The following ICAM1 variants were observed in gnomAD, a reference collection of about 807,000 sequenced individuals.
ICAM1 encodes the protein intercellular adhesion molecule 1.
Under a neutral mutation model 42.3 loss-of-function variants are expected in ICAM1, and 28 were observed. That is an observed-to-expected ratio of 0.66 (90% confidence interval 0.49 to 0.91). The LOEUF (loss-of-function observed/expected upper bound fraction) is 0.91. Among genes scored for constraint, ICAM1 ranks in the 40% least tolerant of loss-of-function variants. The probability of loss-of-function intolerance (pLI) is 0.00; values close to 1 mark genes in which losing one functional copy is unlikely to be tolerated. For synonymous variants in ICAM1, 304 were observed against 305.9 expected, an observed-to-expected ratio of 0.99 and a Z score of 0.07; for missense variants, 637 against 688.6, an observed-to-expected ratio of 0.93 and a Z score of 0.84.
intron 2 of ICAM1, among the ~76,000 whole-genome samples, chr19:10,281,089 G>A (rs1453020884): frequency 4.7e-5 from 7 of 150,386 alleles, no homozygotes; most frequent in South Asian, 2.1e-4. Context: ...TAGCCAGGAT[G>A]GTCTTGATCT....
intron 2 of ICAM1, among the ~76,000 whole-genome samples, chr19:10,280,319 C>T (rs1568293813): frequency 6.6e-6 from 1 of 151,206 alleles, no homozygotes; most frequent in Non-Finnish European, 1.5e-5. Context: ...GTTTTCTTGA[C>T]TATATATATA....
chr19:10,274,982 C>G lies in ICAM1; in HGVS notation c.285C>G (p.Asn95Lys). 1 of 1,614,196 alleles carries G rather than the reference C, an allele frequency of 6.2e-7. No homozygotes were observed. The highest frequency in any genetic ancestry group is 8.5e-7 in the Non-Finnish European group (1 of 1,180,048). ...QEDSQPMCYS[N>K]CPDGQSTAKT... The stretch of plus-strand genomic sequence containing the variant: ...ATAGCCAACCAATGTGCTATTCAAA[C>G]TGCCCTGATGGGCAGTCAACAGCTA... The change falls in exon 2 of 7, where the codon AAC becomes AAG. Residue 95 changes from asparagine to lysine, a missense_variant. Physicochemically the swap from Asn to Lys is moderately conservative, Grantham distance 94. Transcript: ENST00000264832.
rs775798556 is a variant in ICAM1 at position 10,271,193 on chromosome 19, G to T, written c.34G>T (p.Ala12Ser). The T allele has an allele frequency of 5.0e-6, 8 of 1,613,288 alleles. No homozygotes were observed. The Admixed American group carries it at 1.3e-4, about 27-fold the overall frequency. Residue 12 changes from alanine to serine, a missense_variant, in exon 1 of 7, where the codon GCA (alanine) becomes TCA (serine). Coordinates refer to ENST00000264832, the MANE Select transcript of ICAM1 (RefSeq NM_000201.3). ...APSSPRPALPALLVLLGALFP... is the reference protein window; with the variant it reads ...APSSPRPALPSLLVLLGALFP... Reference sequence around the variant, plus strand: ...CAGCAGCCCCCGGCCCGCGCTGCCCGCACTCCTGGTCCTGCTCGGGGCTCT... The same window carrying T: ...CAGCAGCCCCCGGCCCGCGCTGCCCTCACTCCTGGTCCTGCTCGGGGCTCT...
At chr19:10,281,721 CTT>C (rs33958632) in intron 2 of ICAM1, among the ~76,000 whole-genome samples, 33,954 of 106,252 alleles carry the variant, frequency 0.32, 4,921 homozygotes, top group Admixed American at 0.37. Flanking sequence ...GGTCCTGATG[CTT>C]TTTTTTTTTT....
intron 2 of ICAM1, 41 bp from the exon 3 acceptor site, chr19:10,283,440 G>A: frequency 6.6e-7 from 1 of 1,510,962 alleles, no homozygotes; most frequent in Non-Finnish European, 8.8e-7. Context: ...CAGGCAGCAA[G>A]GTCCACTTCA....
chr19:10,285,121 G>A lies in ICAM1; in HGVS notation c.1433G>A (p.Arg478Gln), dbSNP rs780437504. 1.2e-5 allele frequency: 20 copies of A among 1,614,084 alleles called. No individual in the cohort carries two copies. The highest frequency in any genetic ancestry group is 1.1e-4 in the South Asian group (10 of 91,072). Residue 478 changes from arginine (R) to glutamine (Q), a missense_variant, in exon 7 of 7, where the codon CGG becomes CAG. Arg to Gln is a conservative substitution (Grantham distance 43, BLOSUM62 1). Coordinates refer to ENST00000264832, the MANE Select transcript of ICAM1 (RefSeq NM_000201.3). ...TGTTGTATCCTCCCCACAGCCCCCC[G>A]GTATGAGATTGTCATCATCACTGTG... ...RKVTVNVLSP[R>Q]YEIVIITVVA...
rs554091291 is a variant in ICAM1, at chr19:10,274,924, G to A, written c.227G>A (p.Arg76Gln). The change falls in exon 2 of 7, where the codon CGG (arginine) becomes CAG (glutamine). Residue 76 changes from arginine to glutamine, a missense_variant. By Grantham distance (43) the Arg-to-Gln change is conservative. Coordinates refer to ENST00000264832, the MANE Select transcript of ICAM1 (RefSeq NM_000201.3). ...KKELLLPGNN[R>Q]KVYELSNVQE... is the part of the protein sequence containing the mutation. ...GAGTTGCTCCTGCCTGGGAACAACCGGAAGGTGTATGAACTGAGCAATGTG... is the reference window on the plus strand; with the variant it reads ...GAGTTGCTCCTGCCTGGGAACAACCAGAAGGTGTATGAACTGAGCAATGTG... 52 of 1,614,230 alleles carry A rather than the reference G, an allele frequency of 3.2e-5. No homozygotes were observed. Among genetic ancestry groups the A allele is most frequent in the South Asian group, 2.3e-4 (21 of 91,090 alleles).
chr19:10,284,992 G>T lies in ICAM1; in HGVS notation c.1390G>T (p.Gly464Trp). The T allele has an allele frequency of 6.2e-7, 1 of 1,613,324 alleles. No homozygotes were observed. The highest frequency in any genetic ancestry group is 2.2e-5 in the East Asian group (1 of 44,878). ...TYLCRARSTQ[G>W]EVTRKVTVNV... ...CCTCTGTCGGGCCAGGAGCACTCAA[G>T]GGGAGGTCACCCGCAAGGTGACCGT... Residue 464 changes from glycine (G) to tryptophan (W), a missense_variant, in exon 6 of 7, where the codon GGG (glycine) becomes TGG (tryptophan). Physicochemically the swap from Gly to Trp is radical, Grantham distance 184 (BLOSUM62 -2). Coordinates refer to ENST00000264832, the MANE Select transcript of ICAM1 (RefSeq NM_000201.3). This position sits in a 1 kb window ranked among gnomAD's most constrained non-coding sequence, Gnocchi z 5.4.
At chr19:10,278,481 C>G (rs923088959) in intron 2 of ICAM1, among the ~76,000 whole-genome samples, 4 of 150,988 alleles carry the variant, frequency 2.6e-5, no homozygotes. Context: ...CCGAACATTC[C>G]CAGCAGCTTC....
At chr19:10,274,236 GTC>G (rs1401720685) in intron 1 of ICAM1, among the ~76,000 whole-genome samples, 1 of 151,252 alleles carries the variant, frequency 6.6e-6, no homozygotes, top group African/African-American at 2.4e-5. Flanking sequence ...CCAAAGCACT[GTC>G]TATTCTATCA....
chr19:10,272,908 A>T (rs1162249228), intron 1 of ICAM1, among the ~76,000 whole-genome samples: 2 of 152,142 alleles, frequency 1.3e-5, no homozygotes, highest in Non-Finnish European at 2.9e-5. Context: ...TGTATTAGCA[A>T]GGGATGGGGT....
rs775151322 is a variant in ICAM1 at position 10,286,615 on chromosome 19, C to T, written c.*1328C>T. On this transcript the variant is annotated 3_prime_UTR_variant, in exon 7 of 7. Coordinates refer to ENST00000264832, the MANE Select transcript of ICAM1 (RefSeq NM_000201.3). ...TAGTTAATAAAGCTTTCTCAACTGC[C>T]TCAGCCTTGTGTGAGTTGAGGGGAG... 4 of 217,992 alleles carry T rather than the reference C, an allele frequency of 1.8e-5. No homozygotes were observed. The highest frequency in any genetic ancestry group is 3.6e-5 in the Non-Finnish European group (4 of 111,794). 13.5% of individuals were successfully genotyped at this position (217,992 alleles called of 1,614,324 possible).
rs773974462 is a variant in ICAM1 at position 10,283,576 on chromosome 19, C to G, written c.427C>G (p.Arg143Gly). 6.2e-7 allele frequency: 1 copy of G among 1,613,572 alleles called. No individual in the cohort carries two copies. Among genetic ancestry groups the G allele is most frequent in the Non-Finnish European group, 8.5e-7 (1 of 1,179,856 alleles). ...LRCQVEGGAP[R>G]ANLTVVLLRG... is the part of the protein sequence containing the mutation. ...CTGCCAGGTGGAGGGTGGGGCACCC[C>G]GGGCCAACCTCACCGTGGTGCTGCT... Residue 143 changes from arginine (R) to glycine (G), a missense_variant, in exon 3 of 7, where the codon CGG (arginine) becomes GGG (glycine). Physicochemically the swap from Arg to Gly is moderately radical, Grantham distance 125. Transcript: ENST00000264832.
Position 10,284,765 on chromosome 19 carries a change from C to T in ICAM1, c.1181-18C>T. On this transcript the variant is annotated intron_variant, in intron 5 of 6. Transcript: ENST00000264832. The surrounding 1 kb of genome is among the most constrained non-coding windows in gnomAD (Gnocchi z 5.4). ...CTGCCCCCACCCACCTCCATGTCAT[C>T]TCATCGTGTTTTTCCAGATGGCCCC... 6.2e-7 allele frequency: 1 copy of T among 1,607,018 alleles called. No individual in the cohort carries two copies. Among genetic ancestry groups the T allele is most frequent in the Non-Finnish European group, 8.5e-7 (1 of 1,178,226 alleles).
Position 10,274,870 on chromosome 19 carries a change from T to A in ICAM1, c.173T>A (p.Leu58Ter). 1 of 1,614,226 alleles carries A rather than the reference T, an allele frequency of 6.2e-7. No homozygotes were observed. Among genetic ancestry groups the A allele is most frequent in the South Asian group, 1.1e-5 (1 of 91,082 alleles). The change falls in exon 2 of 7, where the codon TTG becomes TAG. Residue 58 changes from leucine (L) to a stop codon, truncating the protein, a stop_gained. Coordinates refer to ENST00000264832, the MANE Select transcript of ICAM1 (RefSeq NM_000201.3). LOFTEE classifies it high-confidence loss of function. ...ACCTCCTGTGACCAGCCCAAGTTGT[T>A]GGGCATAGAGACCCCGTTGCCTAAA... ...CSTSCDQPKL[L>*]GIETPLPKKE...
At chr19:10,273,270 A>AT (rs2039994416) in intron 1 of ICAM1, among the ~76,000 whole-genome samples, 1 of 152,044 alleles carries the variant, frequency 6.6e-6, no homozygotes, top group African/African-American at 2.4e-5. Context: ...AGGCGGGCGG[A>AT]TTACCTGAGG....
At chr19:10,277,977 C>G (rs1475258731) in intron 2 of ICAM1, among the ~76,000 whole-genome samples, 1 of 152,140 alleles carries the variant, frequency 6.6e-6, no homozygotes, top group Non-Finnish European at 1.5e-5. Flanking sequence ...GTAGAAGGAT[C>G]GCTTGGAGGC....
chr19:10,274,146 G>T (rs1475825435), intron 1 of ICAM1, among the ~76,000 whole-genome samples: 1 of 151,866 alleles, frequency 6.6e-6, no homozygotes, highest in Non-Finnish European at 1.5e-5. Flanking sequence ...ATCTGTACTT[G>T]CCTGGAACTT....
At chr19:10,275,693 C>T (rs2040010968) in intron 2 of ICAM1, among the ~76,000 whole-genome samples, 1 of 149,898 alleles carries the variant, frequency 6.7e-6, no homozygotes. Context: ...CAGAGTGAGA[C>T]CCTGTTTCTT....
Sources: gnomAD v4.1 joint callset for allele counts (sites outside exome capture counted in the v4.1 genomes callset) on GRCh38, gnomAD v4.1.1 for gene constraint, Gnocchi (gnomAD v3.1) non-coding constraint, MANE v1.5 for transcripts, NCBI Gene and HGNC (gene_info 2026-07-23, HGNC 2026-07-21) for gene names.